ST7: variants seen among roughly 807,000 people sequenced by gnomAD.
ST7 encodes suppressor of tumorigenicity 7 protein.
Under a neutral mutation model 78.7 loss-of-function variants are expected in ST7, and 28 were observed. That is an observed-to-expected ratio of 0.36 (90% confidence interval 0.26 to 0.49). The LOEUF is 0.49. ST7 is among the 20% of genes least tolerant of loss of function. The pLI is 0.99. For synonymous variants in ST7, 247 were observed against 249.6 expected, an observed-to-expected ratio of 0.99 and a Z score of 0.10; for missense variants, 418 against 696.0, an observed-to-expected ratio of 0.60 and a Z score of 4.49.
In ST7 at chr7:116,965,920, G is replaced by A. The variant is rs1793087588; in HGVS notation, c.151+12229G>A. ...ATGATATTTATAAGTGTAGTGATGA[G>A]CAGGTTGGATCTAGCAGGGGAAATG... On this transcript the variant is annotated intron_variant, in intron 1 of 15. Coordinates refer to ENST00000323984, the MANE Select transcript of ST7 (RefSeq NM_001369598.1). 2.4e-5 allele frequency: 6 copies of A among 254,950 alleles called. No individual in the cohort carries two copies. The South Asian group carries it at 3.1e-4, about 13-fold the overall frequency. The allele number at this position is 254,950 out of a possible 1,614,324, so 15.8% of individuals were successfully genotyped here.
intron 1 of ST7, among the ~76,000 whole-genome samples, chr7:117,017,415 T>G (rs757749920): frequency 1.3e-5 from 2 of 152,226 alleles, no homozygotes; most frequent in Non-Finnish European, 2.9e-5. Flanking sequence ...ATTTTCGCTA[T>G]AATTGTTCTT....
chr7:117,148,009 G>A (rs1436656006), intron 9 of ST7, among the ~76,000 whole-genome samples: 1 of 152,042 alleles, frequency 6.6e-6, no homozygotes, highest in Non-Finnish European at 1.5e-5. Flanking sequence ...AATCCCTGTT[G>A]GGTATAAAGA....
At chr7:117,120,522 A>G (rs977772378) in intron 3 of ST7, among the ~76,000 whole-genome samples, 2 of 152,090 alleles carry the variant, frequency 1.3e-5, no homozygotes, top group East Asian at 1.9e-4. Context: ...CCTTTCCCAT[A>G]TGTCCTGTTT....
chr7:117,228,569 C>CA (rs2116241625), intron 15 of ST7, among the ~76,000 whole-genome samples: 1 of 152,188 alleles, frequency 6.6e-6, no homozygotes, highest in East Asian at 1.9e-4. Context: ...TCTACTGGTC[C>CA]AAAAACAAAA....
intron 9 of ST7, among the ~76,000 whole-genome samples, chr7:117,164,143 G>C (rs1807364092): frequency 6.6e-6 from 1 of 152,124 alleles, no homozygotes; most frequent in Non-Finnish European, 1.5e-5. Flanking sequence ...CATCAAAACA[G>C]ACACACAAAC....
At chr7:117,106,781 C>T (rs182026859) in intron 2 of ST7, among the ~76,000 whole-genome samples, 76 of 150,992 alleles carry the variant, frequency 5.0e-4, no homozygotes, top group African/African-American at 1.7e-3. Context: ...CCACCATGCC[C>T]GGCTAATTTT....
chr7:116,995,102 A>G (rs1794593744), intron 1 of ST7, among the ~76,000 whole-genome samples: 1 of 152,156 alleles, frequency 6.6e-6, no homozygotes, highest in Admixed American at 6.5e-5. Flanking sequence ...CTACACCTTT[A>G]TTAAATTCTC....
At position 116,953,531 on chromosome 7, in the gene ST7, G is replaced by T. The variant is rs759881657; in HGVS notation, c.-10G>T. 7 of 1,366,024 alleles carry T rather than the reference G, an allele frequency of 5.1e-6. No individual in the cohort carries two copies. The highest frequency in any genetic ancestry group is 3.0e-5 in the African/African-American group (2 of 66,616). 84.6% of individuals were successfully genotyped at this position (1,366,024 alleles called of 1,614,324 possible). ...CCAAGAGCCGCGGCAGCAGAGAGGA[G>T]CGCTGAAACATGGCTGAAGCGGCCA... On this transcript the variant is annotated 5_prime_UTR_variant, in exon 1 of 16. Transcript: ENST00000323984.
intron 1 of ST7, among the ~76,000 whole-genome samples, chr7:117,037,947 G>A (rs1743984522): frequency 6.6e-6 from 1 of 152,128 alleles, no homozygotes. Flanking sequence ...TTCTTTAAAG[G>A]GGACTGCTTA....
chr7:117,131,768 C>G lies in ST7; in HGVS notation c.566-117C>G, dbSNP rs1253044273. On this transcript the variant is annotated intron_variant, in intron 5 of 15. Transcript: ENST00000323984. ...TGGAGATTTTGGCCAACCCTCTTAG[C>G]AATGAAATATGTTCTTGTAATTTAA... is the stretch of plus-strand genomic sequence containing the variant. 7.7e-6 allele frequency: 7 copies of G among 910,870 alleles called. No individual in the cohort carries two copies. In the African/African-American group the frequency reaches 1.2e-4, roughly 15 times the overall value. 56.4% of individuals were successfully genotyped at this position (910,870 alleles called of 1,614,324 possible). A position where few individuals can be genotyped will look rare whatever the true frequency, so the allele number is the denominator to read the frequency against.
At chr7:117,098,967 G>T (rs915406683) in intron 1 of ST7, among the ~76,000 whole-genome samples, 10 of 142,230 alleles carry the variant, frequency 7.0e-5, no homozygotes, top group African/African-American at 2.6e-4. Context: ...GAACAGAGTG[G>T]TCAAGAAGGT....
Position 117,055,797 on chromosome 7 carries a change from G to A in ST7, c.152-43965G>A, listed in dbSNP as rs537398532. On this transcript the variant is annotated intron_variant, in intron 1 of 15. Coordinates refer to ENST00000323984, the MANE Select transcript of ST7 (RefSeq NM_001369598.1). ...TTTGTTCCGGCTTAATTAACCAGGTGTATTAGTCAGGGTTCCCTAGAGGGA... is the reference window on the plus strand; with the variant it reads ...TTTGTTCCGGCTTAATTAACCAGGTATATTAGTCAGGGTTCCCTAGAGGGA... Among the ~76,000 whole-genome samples the A allele has an allele frequency of 2.6e-5, 4 of 152,300 alleles. No individual in the cohort carries two copies. The South Asian group carries it at 8.3e-4, about 32-fold the overall frequency.
chr7:117,088,961 T>C (rs927720769), intron 1 of ST7, among the ~76,000 whole-genome samples: 5 of 152,208 alleles, frequency 3.3e-5, no homozygotes, highest in African/African-American at 7.2e-5. Context: ...GTGCGTATAG[T>C]ACATACAGAT....
intron 1 of ST7, among the ~76,000 whole-genome samples, chr7:117,070,512 A>G (rs1336445249): frequency 6.6e-6 from 1 of 151,958 alleles, no homozygotes; most frequent in Non-Finnish European, 1.5e-5. Context: ...TTGGTTGCAC[A>G]ACCATGTGAG....
intron 1 of ST7, among the ~76,000 whole-genome samples, chr7:117,001,544 GAT>G (rs1794933270): frequency 6.6e-6 from 1 of 152,192 alleles, no homozygotes; most frequent in Admixed American, 6.5e-5. Flanking sequence ...ATCAGGCAAT[GAT>G]ACTTTCAGAA....
intron 9 of ST7, among the ~76,000 whole-genome samples, chr7:117,148,369 T>C (rs1402170921): frequency 1.3e-5 from 2 of 152,214 alleles, no homozygotes; most frequent in Non-Finnish European, 1.5e-5. Context: ...TGTCTAAATT[T>C]TATAATCAAG....
At chr7:117,076,358 A>G (rs1378639618) in intron 1 of ST7, among the ~76,000 whole-genome samples, 1 of 152,254 alleles carries the variant, frequency 6.6e-6, no homozygotes, top group East Asian at 1.9e-4. Context: ...TCAGGATACC[A>G]ATTTACAAAT....
intron 2 of ST7, among the ~76,000 whole-genome samples, chr7:117,113,032 TG>T (rs1802559586): frequency 6.6e-6 from 1 of 152,122 alleles, no homozygotes; most frequent in East Asian, 1.9e-4. Flanking sequence ...ATGGCAGAAG[TG>T]AAGAAGGTGA....
At chr7:117,167,942 C>T (rs1439820723) in intron 9 of ST7, among the ~76,000 whole-genome samples, 5 of 152,014 alleles carry the variant, frequency 3.3e-5, no homozygotes, top group Non-Finnish European at 5.9e-5. Flanking sequence ...CAGGTTGTAG[C>T]GAAGCAGTGT....
Sources: allele counts gnomAD v4.1 joint callset (sites outside exome capture counted in the v4.1 genomes callset), GRCh38; gene constraint gnomAD v4.1.1; transcripts MANE v1.5; gene names NCBI Gene and HGNC (gene_info 2026-07-23, HGNC 2026-07-21).